The following IGSF10 variants were observed in gnomAD, a reference collection of about 807,000 sequenced individuals.
IGSF10 encodes calvaria mechanical force protein 608.
Under a neutral mutation model 128.2 loss-of-function variants are expected in IGSF10, and 126 were observed. That is an observed-to-expected ratio of 0.98 (90% CI 0.85 to 1.14). The LOEUF is 1.14. IGSF10 is among the 50% of genes most tolerant of loss of function. The pLI is 0.00. For missense variants in IGSF10, 3,295 were observed against 3,149.8 expected, an observed-to-expected ratio of 1.05 and a Z score of -1.10; for synonymous variants, 1,185 against 1,146.2, an observed-to-expected ratio of 1.03 and a Z score of -0.68.
At chr3:151,474,250 G>A in the IGSF10 span, among the ~76,000 whole-genome samples, 73,101 of 151,818 alleles carry the variant, frequency 0.48, 18,065 homozygotes, top group African/African-American at 0.59. Context: ...CCCTGATTTC[G>A]TTACTACAGA....
the IGSF10 span, among the ~76,000 whole-genome samples, chr3:151,546,576 C>T: frequency 1.3e-5 from 2 of 151,360 alleles, no homozygotes; most frequent in African/African-American, 4.9e-5. Flanking sequence ...AGCCTGGTCT[C>T]AAACTCCTGA....
chr3:151,575,700 C>A, the IGSF10 span, among the ~76,000 whole-genome samples: 1 of 152,198 alleles, frequency 6.6e-6, no homozygotes, highest in African/African-American at 2.4e-5. Flanking sequence ...GATGCCCTAC[C>A]GTGCTTCGGC....
chr3:151,525,213 A>C, the IGSF10 span, among the ~76,000 whole-genome samples: 1 of 151,534 alleles, frequency 6.6e-6, no homozygotes, highest in Non-Finnish European at 1.5e-5. Flanking sequence ...CTTTAACACA[A>C]AACTATTTAG....
the IGSF10 span, among the ~76,000 whole-genome samples, chr3:151,518,799 G>T: frequency 6.6e-6 from 1 of 151,894 alleles, no homozygotes; most frequent in Non-Finnish European, 1.5e-5. Context: ...TGATAACTAA[G>T]AGTCACTCTA....
upstream of IGSF10, among the ~76,000 whole-genome samples, chr3:151,465,970 C>T (rs1722270173): frequency 6.6e-6 from 1 of 152,162 alleles, no homozygotes; most frequent in Non-Finnish European, 1.5e-5. Context: ...CAAATGCCAA[C>T]CTGTAACCAA....
the IGSF10 span, among the ~76,000 whole-genome samples, chr3:151,513,650 G>T: frequency 3.3e-5 from 5 of 152,120 alleles, no homozygotes; most frequent in Non-Finnish European, 1.5e-5. Flanking sequence ...GAAATAAAGG[G>T]CATTCAACTA....
chr3:151,591,824 T>G, the IGSF10 span, among the ~76,000 whole-genome samples: 1 of 152,182 alleles, frequency 6.6e-6, no homozygotes, highest in Non-Finnish European at 1.5e-5. Context: ...TTGTTTAGAC[T>G]GTTTTATGAA....
the IGSF10 span, among the ~76,000 whole-genome samples, chr3:151,486,800 C>A: frequency 1.3e-5 from 2 of 152,134 alleles, no homozygotes; most frequent in Non-Finnish European, 2.9e-5. Flanking sequence ...AACAAAGACA[C>A]AATGTACCAG....
the IGSF10 span, among the ~76,000 whole-genome samples, chr3:151,552,304 C>T: frequency 1.3e-5 from 2 of 152,090 alleles, no homozygotes; most frequent in South Asian, 4.2e-4. Flanking sequence ...TATCCAGTCT[C>T]AGGTACTTCT....
the IGSF10 span, among the ~76,000 whole-genome samples, chr3:151,568,065 T>G: frequency 6.6e-6 from 1 of 152,158 alleles, no homozygotes; most frequent in Admixed American, 6.5e-5. Flanking sequence ...ACCTACTAGT[T>G]TATTTGTCAG....
At chr3:151,513,795 A>G in the IGSF10 span, among the ~76,000 whole-genome samples, 9 of 152,180 alleles carry the variant, frequency 5.9e-5, no homozygotes, top group Admixed American at 2.6e-4. Context: ...AAATCAATGT[A>G]CAAAAATCAC....
chr3:151,519,782 G>C, the IGSF10 span, among the ~76,000 whole-genome samples: 2 of 151,870 alleles, frequency 1.3e-5, no homozygotes, highest in Non-Finnish European at 2.9e-5. Flanking sequence ...AAGAGCCACT[G>C]TCCCAGGTGA....
chr3:151,610,462 G>A, the IGSF10 span, among the ~76,000 whole-genome samples: 1 of 152,130 alleles, frequency 6.6e-6, no homozygotes, highest in Non-Finnish European at 1.5e-5. Flanking sequence ...AACTTTATAT[G>A]GAGGCAGTTT....
Position 151,443,642 on chromosome 3 carries a change from C to G in IGSF10, c.5305G>C (p.Ala1769Pro). ...SGSTVELKCR[A>P]EGRPSPTVTW... is the part of the protein sequence containing the mutation. ...ACTGTAGGGCTTGGCCTACCTTCTG[C>G]TCTGCACTTCAGTTCCACAGTGCTT... is the stretch of plus-strand genomic sequence containing the variant. Residue 1769 changes from alanine to proline, a missense_variant, in exon 7 of 8, where the codon GCA becomes CCA. Transcript: ENST00000282466. The G allele has an allele frequency of 6.2e-7, 1 of 1,614,230 alleles. No individual in the cohort carries two copies. The highest frequency in any genetic ancestry group is 8.5e-7 in the Non-Finnish European group (1 of 1,180,042).
the IGSF10 span, among the ~76,000 whole-genome samples, chr3:151,479,928 AGT>A: frequency 6.6e-6 from 1 of 152,060 alleles, no homozygotes; most frequent in Non-Finnish European, 1.5e-5. Context: ...TGCATTGAAG[AGT>A]TAATAATCTA....
At chr3:151,510,640 A>G in the IGSF10 span, among the ~76,000 whole-genome samples, 1 of 152,214 alleles carries the variant, frequency 6.6e-6, no homozygotes, top group Non-Finnish European at 1.5e-5. Context: ...TTGAGAAAGG[A>G]AGGCTTCAGA....
chr3:151,479,444 C>T, the IGSF10 span, among the ~76,000 whole-genome samples: 491 of 152,130 alleles, frequency 3.2e-3, 2 homozygotes, highest in African/African-American at 0.011. Flanking sequence ...ATTTTCCGCT[C>T]TTTTTTAGGT....
chr3:151,532,463 A>T, the IGSF10 span, among the ~76,000 whole-genome samples: 1 of 152,216 alleles, frequency 6.6e-6, no homozygotes, highest in Non-Finnish European at 1.5e-5. Flanking sequence ...GCAGTACATC[A>T]AAAAGCTTAT....
At chr3:151,570,182 C>G in the IGSF10 span, among the ~76,000 whole-genome samples, 1 of 152,110 alleles carries the variant, frequency 6.6e-6, no homozygotes, top group Non-Finnish European at 1.5e-5. Context: ...GTGAATAGTG[C>G]CGCAATAAAC....
Sources: gnomAD v4.1 joint callset for allele counts (sites outside exome capture counted in the v4.1 genomes callset) on GRCh38, gnomAD v4.1.1 for gene constraint, MANE v1.5 for transcripts, NCBI Gene and HGNC (gene_info 2026-07-23, HGNC 2026-07-21) for gene names.